The following NCKAP5 variants were observed in gnomAD, a reference collection of about 807,000 sequenced individuals.
NCKAP5 encodes the protein NCK associated protein 5, also known as nck-associated protein 5.
In NCKAP5, 92 loss-of-function variants were observed where a neutral mutation model predicts 167.0. That is an observed-to-expected ratio of 0.55 (90% CI 0.47 to 0.66). NCKAP5 has a LOEUF of 0.66. Ranked by LOEUF, NCKAP5 falls within the 30% of genes least tolerant of loss-of-function variation. NCKAP5 has a pLI of 0.00. For synonymous variants in NCKAP5, 891 were observed against 877.4 expected (o/e 1.02, Z -0.27); for missense variants, 2,378 against 2,315.0 (o/e 1.03, Z -0.56).
At chr2:132,949,035 AAAAGAAAAGAAAAG>A (rs1168362316) in intron 8 of NCKAP5, among the ~76,000 whole-genome samples, 173 of 149,502 alleles carry the variant, frequency 1.2e-3, no homozygotes, top group African/African-American at 4.1e-3. Context: ...AAAAGAAAAG[AAAAGAAAAGAAAAG>A]AAACATGGTG....
chr2:133,632,049 T>C, the NCKAP5 span, among the ~76,000 whole-genome samples: 11 of 152,302 alleles, frequency 7.2e-5, no homozygotes, highest in African/African-American at 2.6e-4. Context: ...TTGGGAAATT[T>C]TAAAAAGGCT....
At chr2:133,481,046 T>C (rs1162182124) in intron 3 of NCKAP5, among the ~76,000 whole-genome samples, 1 of 152,216 alleles carries the variant, frequency 6.6e-6, no homozygotes, top group East Asian at 1.9e-4. Context: ...CAAATAGACC[T>C]ATATCATACC....
chr2:133,471,678 C>G (rs1436854006), intron 3 of NCKAP5, among the ~76,000 whole-genome samples: 1 of 152,160 alleles, frequency 6.6e-6, no homozygotes, highest in Non-Finnish European at 1.5e-5. Context: ...ACATGGCTTC[C>G]TCCCAGGCTT....
chr2:132,822,030 A>C (rs1686782714), intron 11 of NCKAP5, among the ~76,000 whole-genome samples: 1 of 152,200 alleles, frequency 6.6e-6, no homozygotes, highest in East Asian at 1.9e-4. Context: ...TCTTAGGGCA[A>C]GCTTAGAGTC....
intron 4 of NCKAP5, among the ~76,000 whole-genome samples, chr2:133,253,392 G>A (rs1444184744): frequency 6.6e-6 from 1 of 152,226 alleles, no homozygotes; most frequent in East Asian, 1.9e-4. Context: ...TTTCATGGAA[G>A]AGGCAGTATA....
intron 3 of NCKAP5, among the ~76,000 whole-genome samples, chr2:133,411,240 G>A (rs1045200610): frequency 1.1e-4 from 17 of 152,202 alleles, no homozygotes; most frequent in Non-Finnish European, 1.5e-5. Context: ...CCAGGGCCCA[G>A]CCTTTGCCAT....
the NCKAP5 span, among the ~76,000 whole-genome samples, chr2:133,592,020 G>A: frequency 6.0e-5 from 9 of 151,148 alleles, no homozygotes; most frequent in South Asian, 6.3e-4. Context: ...ACACACAAAT[G>A]CACGTTTATT....
At position 133,001,877 on chromosome 2, in the gene NCKAP5, C is replaced by T. The variant is rs73956093; in HGVS notation, c.342-7638G>A. Among the ~76,000 whole-genome samples the T allele has an allele frequency of 9.8e-3, 1,485 of 152,196 alleles. 18 individuals are homozygous for T. The highest frequency in any genetic ancestry group is 0.033 in the African/African-American group (1,367 of 41,540). On this transcript the variant is annotated intron_variant, in intron 6 of 19. Transcript: ENST00000409261. ...CAGGAAAAAAAAACTGCACAAAGTT[C>T]CAAAAAGCAAACCTTGAATTTGCCA...
At chr2:133,137,392 T>A (rs1424079895) in intron 5 of NCKAP5, among the ~76,000 whole-genome samples, 1 of 147,984 alleles carries the variant, frequency 6.8e-6, no homozygotes, top group Non-Finnish European at 1.5e-5. Flanking sequence ...TAAAAAAAGA[T>A]GCAGAGCTTG....
Position 133,559,859 on chromosome 2 carries a change from A to G in NCKAP5, c.-129-742T>C, listed in dbSNP as rs530253837. Among the ~76,000 whole-genome samples, 21 of 152,352 alleles carry G rather than the reference A, an allele frequency of 1.4e-4. No individual in the cohort carries two copies. In the South Asian group the frequency reaches 4.1e-3, roughly 30 times the overall value. ...TCTCAGGAAAAGAATGTTTCACAGC[A>G]TACAGGGCTCTAGAAAATCTCTAGC... On this transcript the variant is annotated intron_variant, in intron 1 of 19. Transcript: ENST00000409261.
intron 6 of NCKAP5, among the ~76,000 whole-genome samples, chr2:133,029,947 T>A (rs2078827651): frequency 6.6e-6 from 1 of 152,122 alleles, no homozygotes; most frequent in Non-Finnish European, 1.5e-5. Context: ...AAAGAAAATA[T>A]CCCTCAGGCC....
intron 6 of NCKAP5, among the ~76,000 whole-genome samples, chr2:133,047,986 A>G (rs2079460573): frequency 6.6e-6 from 1 of 152,240 alleles, no homozygotes; most frequent in South Asian, 2.1e-4. Flanking sequence ...GCATGCATCA[A>G]AAAGTTTATA....
intron 3 of NCKAP5, among the ~76,000 whole-genome samples, chr2:133,443,452 G>A (rs1279236329): frequency 6.6e-6 from 1 of 152,196 alleles, no homozygotes; most frequent in Non-Finnish European, 1.5e-5. Context: ...CTGAGGTTCA[G>A]CTGCATTTTC....
rs1358521928 is a variant in NCKAP5, at chr2:132,850,621, G to A, written c.807+9871C>T. On this transcript the variant is annotated intron_variant, in intron 11 of 19. Transcript: ENST00000409261. Reference sequence around the variant, plus strand: ...ACTACAAGGTATCTGTTTGGGAAATGGCATATTTGACCACACTGGCCTTCA... The same window carrying A: ...ACTACAAGGTATCTGTTTGGGAAATAGCATATTTGACCACACTGGCCTTCA... 4.6e-5 allele frequency among the ~76,000 whole-genome samples: 7 copies of A among 152,012 alleles called. No individual in the cohort carries two copies. The East Asian group carries it at 1.2e-3, about 25-fold the overall frequency.
At chr2:133,550,105 A>G (rs1332703168) in intron 2 of NCKAP5, among the ~76,000 whole-genome samples, 1 of 149,382 alleles carries the variant, frequency 6.7e-6, no homozygotes, top group East Asian at 2.0e-4. Context: ...GCAATAATCA[A>G]TAGTTTACCA....
intron 6 of NCKAP5, among the ~76,000 whole-genome samples, chr2:133,084,867 C>A (rs1297868520): frequency 6.6e-6 from 1 of 152,128 alleles, no homozygotes; most frequent in Non-Finnish European, 1.5e-5. Flanking sequence ...ACTTCATCGC[C>A]TTAAGTGGAA....
At chr2:133,270,975 A>G (rs1401184847) in intron 4 of NCKAP5, among the ~76,000 whole-genome samples, 1 of 142,230 alleles carries the variant, frequency 7.0e-6, no homozygotes, top group Admixed American at 7.4e-5. Context: ...GCTGGAGTGC[A>G]GTGGCATGAT....
intron 2 of NCKAP5, among the ~76,000 whole-genome samples, chr2:133,537,030 C>G (rs1685817528): frequency 6.6e-6 from 1 of 151,972 alleles, no homozygotes; most frequent in Non-Finnish European, 1.5e-5. Flanking sequence ...CTCCAATTAT[C>G]CTAACATTAT....
chr2:133,249,987 C>T (rs1269503981), intron 4 of NCKAP5, among the ~76,000 whole-genome samples: 1 of 67,914 alleles, frequency 1.5e-5, no homozygotes, highest in Non-Finnish European at 3.4e-5. Context: ...TGTAAAGCCA[C>T]CACCAAGGGT....
Sources: allele counts gnomAD v4.1 joint callset (sites outside exome capture counted in the v4.1 genomes callset), GRCh38; gene constraint gnomAD v4.1.1; transcripts MANE v1.5; gene names NCBI Gene and HGNC (gene_info 2026-07-23, HGNC 2026-07-21).